CYB5R3: variants seen among roughly 807,000 people sequenced by gnomAD.
The protein encoded by CYB5R3 is cytochrome b5 reductase 3, also known as NADH-cytochrome b5 reductase 3.
In CYB5R3, 28 loss-of-function variants were observed where a neutral mutation model predicts 36.5. That is an observed-to-expected ratio of 0.77 (90% CI 0.57 to 1.05). CYB5R3 has a LOEUF of 1.05. Among genes scored for constraint, CYB5R3 ranks in the 50% least tolerant of loss-of-function variants. CYB5R3 has a pLI of 0.00. For synonymous variants in CYB5R3, 181 were observed against 159.8 expected, an observed-to-expected ratio of 1.13 and a Z score of -1.00; for missense variants, 474 against 408.9, an observed-to-expected ratio of 1.16 and a Z score of -1.37.
intron 5 of CYB5R3, 121 bp downstream of exon 5, chr22:42,628,031 C>G: frequency 1.4e-6 from 2 of 1,390,250 alleles, no homozygotes; most frequent in South Asian, 2.3e-5. Flanking sequence ...AGAGGGACAG[C>G]TGGCCTGACG....
At position 42,630,792 on chromosome 22, in the gene CYB5R3, G is replaced by A. The variant is rs1928568599; in HGVS notation, c.333+90C>T. 3.9e-5 allele frequency: 44 copies of A among 1,141,016 alleles called. No homozygotes were observed. The East Asian group carries it at 9.7e-4, about 25-fold the overall frequency. The allele number at this position is 1,141,016 out of a possible 1,614,324, so 70.7% of individuals were successfully genotyped here. The stretch of plus-strand genomic sequence containing the variant: ...AGGCTGGGCTGCACAGGGCAGGAGC[G>A]GGAGACTTCCCTGTCCAGGGGGTCC... On this transcript the variant is annotated intron_variant, in intron 4 of 8. Transcript: ENST00000352397.
chr22:42,645,831 A>C (rs6002851), intron 1 of CYB5R3, among the ~76,000 whole-genome samples: 22,498 of 152,072 alleles, frequency 0.15, 1,759 homozygotes, highest in Middle Eastern at 0.22. Context: ...GCAGACCATC[A>C]CCGTCGGTCA....
chr22:42,623,417 G>C (rs200395352), intron 8 of CYB5R3, among the ~76,000 whole-genome samples: 9 of 150,362 alleles, frequency 6.0e-5, no homozygotes, highest in Non-Finnish European at 1.3e-4. Context: ...GGCAGCACCT[G>C]AGAGTATGCA....
At chr22:42,631,337 C>T (rs1166490270) in intron 3 of CYB5R3, 41 bp downstream of exon 3, 2 of 1,526,478 alleles carry the variant, frequency 1.3e-6, no homozygotes, top group Non-Finnish European at 1.8e-6. Context: ...GCCCCAGCAG[C>T]CTGCCGGGCT....
chr22:42,643,283 T>TG (rs1185935804), intron 1 of CYB5R3, among the ~76,000 whole-genome samples: 17 of 152,242 alleles, frequency 1.1e-4, no homozygotes, highest in Admixed American at 9.8e-4. Context: ...TGAGATGAGC[T>TG]GGGGCCCAGG....
Position 42,619,711 on chromosome 22 carries a change from G to A in CYB5R3, c.*62C>T, listed in dbSNP as rs147783444. ...CAGTGTGCGATGTGGGGAGGTGACTGGGTGAGCGTGAACAGGGCGTGGGGT... is the reference window on the plus strand; with the variant it reads ...CAGTGTGCGATGTGGGGAGGTGACTAGGTGAGCGTGAACAGGGCGTGGGGT... On this transcript the variant is annotated 3_prime_UTR_variant, in exon 9 of 9. Coordinates refer to ENST00000352397, the MANE Select transcript of CYB5R3 (RefSeq NM_000398.7). The A allele has an allele frequency of 1.1e-3, 1,585 of 1,480,080 alleles. 12 individuals carry two copies. The African/African-American group carries it at 0.016, about 15-fold the overall frequency. 91.7% of individuals were successfully genotyped at this position (1,480,080 alleles called of 1,614,324 possible).
At chr22:42,642,108 T>A (rs945916281) in intron 1 of CYB5R3, among the ~76,000 whole-genome samples, 3 of 125,124 alleles carry the variant, frequency 2.4e-5, no homozygotes, top group African/African-American at 8.6e-5. Flanking sequence ...GAAGAGTACA[T>A]AAGAGCTCTT....
intron 7 of CYB5R3, among the ~76,000 whole-genome samples, chr22:42,625,357 A>C (rs992196520): frequency 2.0e-5 from 3 of 151,912 alleles, no homozygotes; most frequent in African/African-American, 4.8e-5. Context: ...AAATATAAAG[A>C]ATTAGCTGGA....
chr22:42,630,533 T>C (rs1928552966), intron 4 of CYB5R3, among the ~76,000 whole-genome samples: 1 of 152,240 alleles, frequency 6.6e-6, no homozygotes, highest in African/African-American at 2.4e-5. Flanking sequence ...GAGCCTCTGC[T>C]GCAGGTACCT....
chr22:42,639,891 G>T, intron 1 of CYB5R3: 1 of 1,373,562 alleles, frequency 7.3e-7, no homozygotes, highest in Non-Finnish European at 9.7e-7. Flanking sequence ...TATTCAGATA[G>T]CAGTCTGATC....
intron 1 of CYB5R3, chr22:42,644,698 CTA>C: frequency 2.0e-6 from 2 of 983,460 alleles, no homozygotes; most frequent in East Asian, 1.1e-4. Context: ...GGAATAGAGT[CTA>C]GGGAAAAAGT....
At chr22:42,636,278 G>A (rs1398523580) in intron 2 of CYB5R3, among the ~76,000 whole-genome samples, 1 of 152,132 alleles carries the variant, frequency 6.6e-6, no homozygotes, top group Non-Finnish European at 1.5e-5. Flanking sequence ...GGCAGAGGAA[G>A]CCCACACAGC....
chr22:42,625,688 C>T (rs1284189586), intron 7 of CYB5R3, among the ~76,000 whole-genome samples: 2 of 151,904 alleles, frequency 1.3e-5, no homozygotes, highest in Non-Finnish European at 2.9e-5. Context: ...AAACCAGGCA[C>T]TGAGGTCACG....
At chr22:42,630,830 G>T (rs945737345) in intron 4 of CYB5R3, 52 bp downstream of exon 4, 2 of 1,484,262 alleles carry the variant, frequency 1.3e-6, no homozygotes, top group Non-Finnish European at 1.9e-6. Flanking sequence ...ATGGGCTGTT[G>T]CCATGGCCAC....
In CYB5R3 at chr22:42,634,821, T is replaced by A. The variant is rs541245704; in HGVS notation, c.153+1894A>T. Among the ~76,000 whole-genome samples, 3 of 118,590 alleles carry A rather than the reference T, an allele frequency of 2.5e-5. No individual in the cohort carries two copies. In the South Asian group the frequency reaches 8.9e-4, roughly 35 times the overall value. 77.8% of individuals were successfully genotyped at this position (118,590 alleles called of 152,430 possible). On this transcript the variant is annotated intron_variant, in intron 2 of 8. Coordinates refer to ENST00000352397, the MANE Select transcript of CYB5R3 (RefSeq NM_000398.7). ...TCATATTGATTGATTGATTGATTGA[T>A]TGAGACAGCGTCTTGCTCTGTAGCC... is the stretch of plus-strand genomic sequence containing the variant.
chr22:42,647,265 G>A (rs967312289), intron 1 of CYB5R3, among the ~76,000 whole-genome samples: 8 of 152,230 alleles, frequency 5.3e-5, no homozygotes, highest in African/African-American at 7.2e-5. Context: ...GAGGTCTCCC[G>A]ACTCCCAGGC....
rs1927720306 is a variant in CYB5R3 at position 42,618,077 on chromosome 22, GA to G, written c.*1695del. The stretch of plus-strand genomic sequence containing the variant: ...GCAGATGGCATCCTCTGACTTTCCT[GA>G]GCCTCGAGGCTCATCTGACCCTGAC... On this transcript the variant is annotated 3_prime_UTR_variant, in exon 9 of 9. Coordinates refer to ENST00000352397, the MANE Select transcript of CYB5R3 (RefSeq NM_000398.7). 1 of 152,262 alleles carries G rather than the reference GA, an allele frequency of 6.6e-6. No individual in the cohort carries two copies. The highest frequency in any genetic ancestry group is 2.4e-5 in the African/African-American group (1 of 41,430). 9.4% of individuals were successfully genotyped at this position (152,262 alleles called of 1,614,324 possible). A position where few individuals can be genotyped will look rare whatever the true frequency, so the allele number is the denominator to read the frequency against.
chr22:42,619,693 C>A lies in CYB5R3; in HGVS notation c.*80G>T. 1 of 1,418,552 alleles carries A rather than the reference C, an allele frequency of 7.0e-7. No individual in the cohort carries two copies. The allele number at this position is 1,418,552 out of a possible 1,614,324, so 87.9% of individuals were successfully genotyped here. On this transcript the variant is annotated 3_prime_UTR_variant, in exon 9 of 9. Coordinates refer to ENST00000352397, the MANE Select transcript of CYB5R3 (RefSeq NM_000398.7). ...AGGCTGAACCCGGGGCCCCAGTGTGCGATGTGGGGAGGTGACTGGGTGAGC... is the reference window on the plus strand; with the variant it reads ...AGGCTGAACCCGGGGCCCCAGTGTGAGATGTGGGGAGGTGACTGGGTGAGC...
In CYB5R3 at chr22:42,617,870, G is replaced by C. The variant is rs2146855173; in HGVS notation, c.*1903C>G. 1 of 152,418 alleles carries C rather than the reference G, an allele frequency of 6.6e-6. No individual in the cohort carries two copies. Among genetic ancestry groups the C allele is most frequent in the Non-Finnish European group, 1.5e-5 (1 of 68,088 alleles). The allele number at this position is 152,418 out of a possible 1,614,324, so 9.4% of individuals were successfully genotyped here. A position where few individuals can be genotyped will look rare whatever the true frequency, so the allele number is the denominator to read the frequency against. On this transcript the variant is annotated 3_prime_UTR_variant, in exon 9 of 9. Coordinates refer to ENST00000352397, the MANE Select transcript of CYB5R3 (RefSeq NM_000398.7). ...TTCTGAAAGTTTATTCCACAAGCTG[G>C]TTCCAACGGCAGGGCCTTTGCGTCT... is the stretch of plus-strand genomic sequence containing the variant.
Sources: gnomAD v4.1 joint callset for allele counts (sites outside exome capture counted in the v4.1 genomes callset) on GRCh38, gnomAD v4.1.1 for gene constraint, MANE v1.5 for transcripts, NCBI Gene and HGNC (gene_info 2026-07-23, HGNC 2026-07-21) for gene names.